The following CDK14 variants were observed in gnomAD, a reference collection of about 807,000 sequenced individuals.
CDK14 encodes cyclin dependent kinase 14, also known as cyclin-dependent kinase 14.
CDK14 carries 34 observed loss-of-function variants against 60.7 expected under a neutral mutation model. The observed-to-expected ratio is 0.56, with a 90% CI of 0.43 to 0.75. The LOEUF (loss-of-function observed/expected upper bound fraction) is 0.75, where lower values mean the gene tolerates loss of function less well. CDK14 is among the 30% of genes least tolerant of loss of function. The probability of loss-of-function intolerance (pLI) is 0.00; values close to 1 mark genes in which losing one functional copy is unlikely to be tolerated. For synonymous variants in CDK14, 197 were observed against 203.7 expected (o/e 0.97, Z 0.28); for missense variants, 482 against 564.1 (o/e 0.85, Z 1.47).
intron 7 of CDK14, among the ~76,000 whole-genome samples, chr7:90,904,044 G>A (rs1792611596): frequency 6.6e-6 from 1 of 151,980 alleles, no homozygotes; most frequent in Non-Finnish European, 1.5e-5. Context: ...CCACAGCCCT[G>A]CAGCCTGCTG....
Position 91,079,442 on chromosome 7 carries a change from C to A in CDK14, c.1116C>A (p.Thr372=), listed in dbSNP as rs552949476. 3.1e-6 allele frequency: 5 copies of A among 1,595,790 alleles called. No homozygotes were observed. The African/African-American group carries it at 4.0e-5, about 13-fold the overall frequency. Reference sequence around the variant, plus strand: ...TCTTTTTTATTTCAGAACGCTTTACCCTGTACAGCTCTAAAAACCTTAGAC... The same window carrying A: ...TCTTTTTTATTTCAGAACGCTTTACACTGTACAGCTCTAAAAACCTTAGAC... ...SLPHFKPERF[T]LYSSKNLRQA... Residue 372 remains threonine, a synonymous_variant, in exon 12 of 15, where the codon ACC becomes ACA. Transcript: ENST00000380050.
chr7:90,634,960 G>A (rs1159691693), intron 2 of CDK14, among the ~76,000 whole-genome samples: 7 of 152,104 alleles, frequency 4.6e-5, no homozygotes, highest in Non-Finnish European at 8.8e-5. Context: ...CATGTCCTTT[G>A]CCCACTTTTT....
intron 2 of CDK14, among the ~76,000 whole-genome samples, chr7:90,631,744 C>T (rs954587507): frequency 1.3e-5 from 2 of 152,090 alleles, no homozygotes; most frequent in African/African-American, 4.8e-5. Flanking sequence ...GCAGAAAGTC[C>T]CTTCAAGCAC....
intron 14 of CDK14, among the ~76,000 whole-genome samples, chr7:91,138,142 G>A (rs1213038930): frequency 6.6e-6 from 1 of 152,168 alleles, no homozygotes; most frequent in East Asian, 1.9e-4. Flanking sequence ...ATTCACTTCA[G>A]CCATGGTTCA....
At chr7:91,178,931 C>T (rs200927038) in intron 14 of CDK14, among the ~76,000 whole-genome samples, 3 of 152,050 alleles carry the variant, frequency 2.0e-5, no homozygotes, top group Admixed American at 6.5e-5. Flanking sequence ...CTAGAAATAC[C>T]ATTTGACCCA....
At chr7:90,826,418 C>T (rs1422975625) in intron 5 of CDK14, among the ~76,000 whole-genome samples, 1 of 152,000 alleles carries the variant, frequency 6.6e-6, no homozygotes, top group African/African-American at 2.4e-5. Flanking sequence ...AGGGTTTCAC[C>T]ACGTTGTCCA....
intron 14 of CDK14, among the ~76,000 whole-genome samples, chr7:91,189,766 C>G (rs1172371327): frequency 6.6e-6 from 1 of 152,162 alleles, no homozygotes; most frequent in Non-Finnish European, 1.5e-5. Context: ...TTCTCACTAC[C>G]TTATCAAAAA....
chr7:90,691,870 C>T (rs900736616), intron 2 of CDK14, among the ~76,000 whole-genome samples: 1 of 152,102 alleles, frequency 6.6e-6, no homozygotes, highest in Non-Finnish European at 1.5e-5. Flanking sequence ...GTTATCAAGG[C>T]ATTGAGTCTG....
intron 6 of CDK14, among the ~76,000 whole-genome samples, chr7:90,889,276 A>G (rs1337936255): frequency 4.6e-5 from 7 of 152,212 alleles, no homozygotes; most frequent in African/African-American, 1.7e-4. Context: ...ATAGTTTGCA[A>G]TAGTCTTACT....
In CDK14 at chr7:90,844,407, A is replaced by G. The variant is rs142846628; in HGVS notation, c.545-18768A>G. ...TGATATATAAGCTCCCTTTCAACTA[A>G]TACTGTGTTCGTCTGGAACAGATGG... On this transcript the variant is annotated intron_variant, in intron 5 of 14. Transcript: ENST00000380050. Among the ~76,000 whole-genome samples, 207 of 152,302 alleles carry G rather than the reference A, an allele frequency of 1.4e-3. 1 individual carries two copies. Among genetic ancestry groups the G allele is most frequent in the African/African-American group, 4.5e-3 (189 of 41,574 alleles).
At chr7:91,062,282 T>C (rs1258413110) in intron 11 of CDK14, among the ~76,000 whole-genome samples, 1 of 152,154 alleles carries the variant, frequency 6.6e-6, no homozygotes, top group Non-Finnish European at 1.5e-5. Context: ...GACCTGATTT[T>C]CCAGGTGCTG....
intron 12 of CDK14, among the ~76,000 whole-genome samples, chr7:91,095,879 A>G (rs1467154251): frequency 6.6e-6 from 1 of 151,994 alleles, no homozygotes; most frequent in African/African-American, 2.4e-5. Context: ...TAATATTGTC[A>G]CATTATTTTA....
intron 13 of CDK14, among the ~76,000 whole-genome samples, chr7:91,115,404 TTAA>T (rs1799577410): frequency 6.6e-6 from 1 of 152,130 alleles, no homozygotes; most frequent in Non-Finnish European, 1.5e-5. Context: ...CACAAAGCCA[TTAA>T]TCTCATCATG....
chr7:90,882,507 A>G (rs966274420), intron 6 of CDK14, among the ~76,000 whole-genome samples: 8 of 152,206 alleles, frequency 5.3e-5, no homozygotes, highest in Non-Finnish European at 1.2e-4. Flanking sequence ...GGAAACTTTA[A>G]CACCCATTGT....
chr7:91,117,593 A>G (rs1235529190), intron 13 of CDK14, among the ~76,000 whole-genome samples: 1 of 151,998 alleles, frequency 6.6e-6, no homozygotes, highest in African/African-American at 2.4e-5. Flanking sequence ...ATTTTTCTTC[A>G]TAACATTTAC....
intron 6 of CDK14, among the ~76,000 whole-genome samples, chr7:90,863,845 C>G (rs917336309): frequency 2.0e-5 from 3 of 152,050 alleles, no homozygotes; most frequent in Non-Finnish European, 2.9e-5. Context: ...TGCTAGAAGA[C>G]TTGGACTTGA....
intron 14 of CDK14, among the ~76,000 whole-genome samples, chr7:91,131,951 C>A (rs549485752): frequency 3.3e-4 from 50 of 152,194 alleles, no homozygotes; most frequent in South Asian, 2.3e-3. Flanking sequence ...TAGTGAATAT[C>A]CAACCAACTC....
At chr7:91,078,521 C>T (rs1481363766) in intron 11 of CDK14, among the ~76,000 whole-genome samples, 1 of 152,062 alleles carries the variant, frequency 6.6e-6, no homozygotes, top group Non-Finnish European at 1.5e-5. Flanking sequence ...GCAGGAGAAT[C>T]GCTTGAATCC....
intron 5 of CDK14, among the ~76,000 whole-genome samples, chr7:90,833,419 A>G (rs1789979700): frequency 6.6e-6 from 1 of 152,318 alleles, no homozygotes; most frequent in South Asian, 2.1e-4. Context: ...AAAGTTTCCT[A>G]GGGACTTTGA....
Sources: allele counts gnomAD v4.1 joint callset (sites outside exome capture counted in the v4.1 genomes callset), GRCh38; gene constraint gnomAD v4.1.1; transcripts MANE v1.5; gene names NCBI Gene and HGNC (gene_info 2026-07-23, HGNC 2026-07-21).